COL11A1: variants seen among roughly 807,000 people sequenced by gnomAD.
COL11A1 encodes collagen type XI alpha 1 chain.
In COL11A1, 74 loss-of-function variants were observed where a neutral mutation model predicts 265.2. The observed-to-expected ratio is 0.28, with a 90% CI of 0.23 to 0.34. COL11A1 has a LOEUF of 0.34. COL11A1 is among the 10% of genes least tolerant of loss of function. COL11A1 has a pLI of 1.00. For synonymous variants in COL11A1, 816 were observed against 727.6 expected (o/e 1.12, Z -1.96); for missense variants, 2,165 against 2,263.6 (o/e 0.96, Z 0.88).
intron 23 of COL11A1, 64 bp from the exon 24 acceptor site, chr1:103,002,033 G>T: frequency 7.4e-7 from 1 of 1,349,864 alleles, no homozygotes; most frequent in East Asian, 2.3e-5. Context: ...TTTTAAAACA[G>T]CAAATTATTA....
Position 103,084,753 on chromosome 1 carries a change from G to C in COL11A1, c.107-1781C>G, listed in dbSNP as rs181161612. The stretch of plus-strand genomic sequence containing the variant: ...TAGAACCCATATTACTCAATGTACA[G>C]TAAGTCCTCACTTAATATCCTCGAT... On this transcript the variant is annotated intron_variant, in intron 1 of 66. Coordinates refer to ENST00000370096, the MANE Select transcript of COL11A1 (RefSeq NM_001854.4). 3.1e-3 allele frequency among the ~76,000 whole-genome samples: 468 copies of C among 152,258 alleles called. 1 individual carries two copies. Among genetic ancestry groups the C allele is most frequent in the African/African-American group, 0.011 (438 of 41,564 alleles).
chr1:103,006,313 G>T lies in COL11A1; in HGVS notation c.1686C>A (p.Gly562=). ...CAGGGGGACCCTGGACGCCTCGAGG[G>T]CCCTATATCAAGACATCATAATTAA... ...KGESGDPGPQ[G]PRGVQGPPGP... Residue 562 remains glycine (G), a splice_region_variant and synonymous_variant, in exon 16 of 67, where the codon GGC becomes GGA. Coordinates refer to ENST00000370096, the MANE Select transcript of COL11A1 (RefSeq NM_001854.4). 1 of 1,607,638 alleles carries T rather than the reference G, an allele frequency of 6.2e-7. No homozygotes were observed. The highest frequency in any genetic ancestry group is 8.5e-7 in the Non-Finnish European group (1 of 1,176,580).
At chr1:103,099,823 T>C (rs1674101494) in intron 1 of COL11A1, among the ~76,000 whole-genome samples, 1 of 151,740 alleles carries the variant, frequency 6.6e-6, no homozygotes, top group Non-Finnish European at 1.5e-5. Context: ...AAGCTAGAGG[T>C]AAATTGAAAT....
At chr1:103,071,777 T>C (rs1671610103) in intron 4 of COL11A1, among the ~76,000 whole-genome samples, 1 of 150,382 alleles carries the variant, frequency 6.6e-6, no homozygotes. Context: ...TGTAAAATCA[T>C]AAGAAAAAGA....
At chr1:102,921,345 T>A (rs752763562) in intron 48 of COL11A1, among the ~76,000 whole-genome samples, 173 bp downstream of exon 48, 6 of 152,192 alleles carry the variant, frequency 3.9e-5, no homozygotes, top group Non-Finnish European at 8.8e-5. Flanking sequence ...TCACTATAAA[T>A]TCCATTTATT....
intron 11 of COL11A1, 106 bp from the exon 12 acceptor site, chr1:103,015,848 C>G (rs1666522807): frequency 1.3e-6 from 1 of 770,464 alleles, no homozygotes; most frequent in Non-Finnish European, 2.1e-6. Flanking sequence ...TTGCATTTGC[C>G]CTTTCCACCT....
rs794727062 is a variant in COL11A1 at position 103,015,751 on chromosome 1, A to T, written c.1414-9T>A. The T allele has an allele frequency of 1.3e-6, 2 of 1,555,514 alleles. No homozygotes were observed. Among genetic ancestry groups the T allele is most frequent in the Admixed American group, 3.5e-5 (2 of 57,780 alleles). ...GGACGTCCTGGGGGGCCCTAGAAAA[A>T]TAAATGAAATAACCAAAATAAATAA... On this transcript the variant is annotated splice_polypyrimidine_tract_variant and intron_variant, in intron 11 of 66. Coordinates refer to ENST00000370096, the MANE Select transcript of COL11A1 (RefSeq NM_001854.4).
intron 1 of COL11A1, among the ~76,000 whole-genome samples, chr1:103,098,257 G>A (rs1208360243): frequency 6.6e-6 from 1 of 151,878 alleles, no homozygotes; most frequent in African/African-American, 2.4e-5. Flanking sequence ...AGCCACTACT[G>A]CTTAGCAATA....
At chr1:102,952,290 G>A (rs931724861) in intron 41 of COL11A1, among the ~76,000 whole-genome samples, 9 of 152,042 alleles carry the variant, frequency 5.9e-5, no homozygotes, top group Non-Finnish European at 8.8e-5. Flanking sequence ...GTAGAGACAG[G>A]GTTTCACCAT....
chr1:102,925,983 G>T (rs1656551449), intron 46 of COL11A1, among the ~76,000 whole-genome samples: 1 of 151,670 alleles, frequency 6.6e-6, no homozygotes, highest in South Asian at 2.1e-4. Context: ...TTAATTCACA[G>T]TTTTTTTATT....
rs375867706 is a variant in COL11A1 at position 102,881,669 on chromosome 1, A to G, written c.5040+28T>C. On this transcript the variant is annotated intron_variant, in intron 65 of 66. Coordinates refer to ENST00000370096, the MANE Select transcript of COL11A1 (RefSeq NM_001854.4). ...ATGTCACTTCTTGAGTTCGTGAAAA[A>G]TCGTTTCATGTTGAGGTAATAACAT... 96 of 1,563,440 alleles carry G rather than the reference A, an allele frequency of 6.1e-5. 2 individuals are homozygous for G. The Middle Eastern group carries it at 1.3e-3, about 22-fold the overall frequency.
chr1:102,979,168 G>T, intron 32 of COL11A1, 64 bp from the exon 33 acceptor site: 2 of 1,445,922 alleles, frequency 1.4e-6, no homozygotes, highest in South Asian at 1.1e-5. Flanking sequence ...CTGGTGCTGA[G>T]ACTGAGTAGT....
intron 28 of COL11A1, among the ~76,000 whole-genome samples, chr1:102,990,385 T>C (rs940028515): frequency 1.3e-5 from 2 of 152,048 alleles, no homozygotes; most frequent in Admixed American, 1.3e-4. Context: ...GCTCAATGGG[T>C]TCTGTATCTT....
At chr1:103,004,549 ATTTTG>A in intron 19 of COL11A1, 54 bp downstream of exon 19, 4 of 1,586,660 alleles carry the variant, frequency 2.5e-6, no homozygotes, top group East Asian at 2.3e-5. Context: ...TTTCAACATG[ATTTTG>A]TTTTATTATG....
chr1:102,942,367 C>G (rs919192640), intron 42 of COL11A1, among the ~76,000 whole-genome samples: 1 of 152,082 alleles, frequency 6.6e-6, no homozygotes, highest in African/African-American at 2.4e-5. Context: ...TTTCTTCTGA[C>G]CCTGGTCTGT....
intron 41 of COL11A1, among the ~76,000 whole-genome samples, chr1:102,956,607 A>G (rs1434117452): frequency 2.0e-4 from 31 of 152,118 alleles, no homozygotes; most frequent in Admixed American, 2.0e-3. Context: ...AATGCATACC[A>G]AGACCAAGGA....
At chr1:102,880,458 TTATC>T (rs1457419942) in intron 65 of COL11A1, among the ~76,000 whole-genome samples, 2 of 152,196 alleles carry the variant, frequency 1.3e-5, no homozygotes, top group Non-Finnish European at 2.9e-5. Context: ...AAATGCCTGT[TTATC>T]TATTTTTAGA....
At chr1:103,075,773 A>T (rs1171301455) in intron 3 of COL11A1, among the ~76,000 whole-genome samples, 1 of 152,176 alleles carries the variant, frequency 6.6e-6, no homozygotes, top group Non-Finnish European at 1.5e-5. Context: ...AAAAAGTTGC[A>T]GGAGCCCTCG....
intron 25 of COL11A1, among the ~76,000 whole-genome samples, chr1:102,997,594 T>C (rs201744442): frequency 1.3e-5 from 2 of 152,042 alleles, no homozygotes; most frequent in East Asian, 3.9e-4. Context: ...TTATTGAGAT[T>C]CAGTAAATAA....
Sources: gnomAD v4.1 joint callset for allele counts (sites outside exome capture counted in the v4.1 genomes callset) on GRCh38, gnomAD v4.1.1 for gene constraint, MANE v1.5 for transcripts, NCBI Gene and HGNC (gene_info 2026-07-23, HGNC 2026-07-21) for gene names.